CDC25B: variants seen among roughly 807,000 people sequenced by gnomAD.
CDC25B encodes cell division cycle 25B, also known as M-phase inducer phosphatase 2.
A neutral mutation model predicts 69.8 loss-of-function variants in CDC25B; 33 were observed. The ratio of observed to expected loss-of-function variants is 0.47; its 90% CI spans 0.36 to 0.63. The LOEUF is 0.63. Among genes scored for constraint, CDC25B ranks in the 30% least tolerant of loss-of-function variants. The pLI is 0.00. For synonymous variants in CDC25B, 341 were observed against 314.6 expected, an observed-to-expected ratio of 1.08 and a Z score of -0.89; for missense variants, 727 against 809.1, an observed-to-expected ratio of 0.90 and a Z score of 1.23.
At position 3,796,325 on chromosome 20, in the gene CDC25B, T is replaced by A. The variant is rs753515466; in HGVS notation, c.-207T>A. On this transcript the variant is annotated 5_prime_UTR_variant, in exon 1 of 16. Coordinates refer to ENST00000245960, the MANE Select transcript of CDC25B (RefSeq NM_021873.4). Reference sequence around the variant, plus strand: ...AGCTGCAACTAGAGGCTTCCCTGGCTGGTGCCTGAGCCCGGCGTCCCTCGC... The same window carrying A: ...AGCTGCAACTAGAGGCTTCCCTGGCAGGTGCCTGAGCCCGGCGTCCCTCGC... 14 of 1,326,286 alleles carry A rather than the reference T, an allele frequency of 1.1e-5. No individual in the cohort carries two copies. Among genetic ancestry groups the A allele is most frequent in the Non-Finnish European group, 1.2e-5 (13 of 1,042,688 alleles). 82.2% of individuals were successfully genotyped at this position (1,326,286 alleles called of 1,614,324 possible).
Position 3,803,082 on chromosome 20 carries a change from G to T in CDC25B, c.1258-26G>T. The T allele has an allele frequency of 5.0e-6, 8 of 1,607,784 alleles. No individual in the cohort carries two copies. The highest frequency in any genetic ancestry group is 6.8e-6 in the Non-Finnish European group (8 of 1,174,382). ...TGCCAGCTGCCAGCCTGACCTGCCG[G>T]AACCAACCCCCATGACCTCCTACAG... On this transcript the variant is annotated intron_variant, in intron 12 of 15. Transcript: ENST00000245960. This position sits in a 1 kb window ranked among gnomAD's most constrained non-coding sequence, Gnocchi z 4.9.
At position 3,805,746 on chromosome 20, in the gene CDC25B, G is replaced by A. The variant is rs1035323890; in HGVS notation, c.*785G>A. On this transcript the variant is annotated 3_prime_UTR_variant, in exon 16 of 16. Coordinates refer to ENST00000245960, the MANE Select transcript of CDC25B (RefSeq NM_021873.4). Reference sequence around the variant, plus strand: ...CTGGAAGCCCAGCCCCTACTGCTGTGAACCCTGGGGCCTGACTGCTCAGAA... The same window carrying A: ...CTGGAAGCCCAGCCCCTACTGCTGTAAACCCTGGGGCCTGACTGCTCAGAA... The A allele has an allele frequency of 9.9e-6, 4 of 403,984 alleles. No homozygotes were observed. Among genetic ancestry groups the A allele is most frequent in the African/African-American group, 6.1e-5 (3 of 48,794 alleles). 25.0% of individuals were successfully genotyped at this position (403,984 alleles called of 1,614,324 possible). A position where few individuals can be genotyped will look rare whatever the true frequency, so the allele number is the denominator to read the frequency against.
rs1240874444 is a variant in CDC25B, at chr20:3,796,569, C to A, written c.38C>A (p.Ala13Asp). The A allele has an allele frequency of 2.9e-5, 43 of 1,473,290 alleles. No individual in the cohort carries two copies. The highest frequency in any genetic ancestry group is 3.7e-5 in the Non-Finnish European group (41 of 1,118,952). The allele number at this position is 1,473,290 out of a possible 1,614,324, so 91.3% of individuals were successfully genotyped here. Residue 13 changes from alanine (A) to aspartate (D), a missense_variant, in exon 1 of 16, where the codon GCT becomes GAT. By Grantham distance (126) the Ala-to-Asp change is moderately radical (BLOSUM62 -2). Around this residue, in one of 2 missense-constraint regions of CDC25B, gnomAD observed 368 missense variants for 345.6 expected, o/e 1.06. Coordinates refer to ENST00000245960, the MANE Select transcript of CDC25B (RefSeq NM_021873.4). ...CAGCCGGAGCCCGCGCCAGGCTCGG[C>A]TCTCAGTCCAGCAGGCGTGTGCGGT... Reference protein sequence around the residue: ...VPQPEPAPGSALSPAGVCGGA... With the variant: ...VPQPEPAPGSDLSPAGVCGGA...
At chr20:3,795,630 T>G, upstream of CDC25B, 4 of 825,774 alleles carry the variant, frequency 4.8e-6, no homozygotes, top group Non-Finnish European at 5.8e-6. Context: ...ATTGGGCCGG[T>G]TGGGGTAACA....
rs1423877219 is a variant in CDC25B, at chr20:3,796,736, G to A, written c.200+5G>A. ...CGACCTCGCCGGGCTCGGCAGGTAG[G>A]ACACCCCAAGGAGGCTGCATATGGG... On this transcript the variant is annotated splice_donor_5th_base_variant and intron_variant, in intron 1 of 15. Coordinates refer to ENST00000245960, the MANE Select transcript of CDC25B (RefSeq NM_021873.4). The A allele has an allele frequency of 1.3e-6, 2 of 1,562,446 alleles. No individual in the cohort carries two copies. Among genetic ancestry groups the A allele is most frequent in the East Asian group, 2.4e-5 (1 of 41,176 alleles).
rs1266143183 is a variant in CDC25B at position 3,800,862 on chromosome 20, G to A, written c.579G>A (p.Glu193=). 3 of 1,613,792 alleles carry A rather than the reference G, an allele frequency of 1.9e-6. No homozygotes were observed. The African/African-American group carries it at 4.0e-5, about 22-fold the overall frequency. ...GAASSSGEDK[E]NDGFVFKMPW... is the part of the protein sequence containing the mutation. ...CCAGCAGCTCTGGGGAAGACAAGGA[G>A]AATGTGCGCTTCTGGAAGGCCGGGG... Residue 193 remains glutamate (E), a synonymous_variant, in exon 6 of 16, where the codon GAG becomes GAA. Coordinates refer to ENST00000245960, the MANE Select transcript of CDC25B (RefSeq NM_021873.4).
At chr20:3,798,636 C>T (rs957307518) in intron 3 of CDC25B, among the ~76,000 whole-genome samples, 173 bp downstream of exon 3, 1 of 152,118 alleles carries the variant, frequency 6.6e-6, no homozygotes, top group Non-Finnish European at 1.5e-5. Flanking sequence ...GCATTCTGCT[C>T]CCTGTCTCAG....
upstream of CDC25B, among the ~76,000 whole-genome samples, chr20:3,792,799 C>T (rs909099890): frequency 2.6e-5 from 4 of 152,008 alleles, no homozygotes; most frequent in Non-Finnish European, 4.4e-5. Flanking sequence ...GCCACCACAC[C>T]GGGCTAAGTT....
chr20:3,799,530 G>GCA lies in CDC25B; in HGVS notation c.381-757_381-756insAC, dbSNP rs1351009664. Among the ~76,000 whole-genome samples, 614 of 150,094 alleles carry GCA rather than the reference G, an allele frequency of 4.1e-3. 5 individuals are homozygous for GCA. The highest frequency in any genetic ancestry group is 0.013 in the African/African-American group (529 of 40,272). Reference sequence around the variant, plus strand: ...TGTGTGTGTGTGTGTGTGTGTGCGCGCGCGCGCGTAGATGCACAAAAGCTC... The same window carrying GCA: ...TGTGTGTGTGTGTGTGTGTGTGCGCGCACGCGCGCGTAGATGCACAAAAGCTC... On this transcript the variant is annotated intron_variant, in intron 3 of 15. Coordinates refer to ENST00000245960, the MANE Select transcript of CDC25B (RefSeq NM_021873.4).
chr20:3,801,356 G>A lies in CDC25B; in HGVS notation c.808G>A (p.Gly270Arg). 1 of 1,613,886 alleles carries A rather than the reference G, an allele frequency of 6.2e-7. No homozygotes were observed. Residue 270 changes from glycine to arginine, a missense_variant, in exon 8 of 16, where the codon GGA becomes AGA. Physicochemically the swap from Gly to Arg is moderately radical, Grantham distance 125. This residue lies in a region of CDC25B where 359 missense variants were observed against 463.4 expected (regional missense o/e 0.77). Transcript: ENST00000245960. ...PAEGDTEEDD[G>R]FVDILESDLK... ...AGAGGGGGATACTGAGGAAGATGAT[G>A]GATTTGTGGACATCCTAGAGAGTGA...
At position 3,801,952 on chromosome 20, in the gene CDC25B, G is replaced by A. The variant is rs1240598537; in HGVS notation, c.950G>A (p.Arg317Gln). The change falls in exon 10 of 16, where the codon CGG (arginine) becomes CAG (glutamine). Residue 317 changes from arginine (R) to glutamine (Q), a missense_variant. Around this residue, in one of 2 missense-constraint regions of CDC25B, gnomAD observed 359 missense variants for 463.4 expected, o/e 0.77. Coordinates refer to ENST00000245960, the MANE Select transcript of CDC25B (RefSeq NM_021873.4). ...CTCGTCATGTACAGCAAGTGCCAGC[G>A]GCTCTTCCGCTCTCCGTCCATGCCC... is the stretch of plus-strand genomic sequence containing the variant. ...KDLVMYSKCQ[R>Q]LFRSPSMPCS... The A allele has an allele frequency of 3.7e-6, 6 of 1,612,502 alleles. No individual in the cohort carries two copies. Among genetic ancestry groups the A allele is most frequent in the Non-Finnish European group, 4.2e-6 (5 of 1,179,272 alleles).
At position 3,787,037 on chromosome 20, in the gene CDC25B, T is replaced by A. The variant is rs941615935; in HGVS notation, c.-95T>A. ...GAACCAGGGTTTTTGTTTGTTTTTT[T>A]TTTTTTTAATTAAGGTAAAAATAAC... On this transcript the variant is annotated 5_prime_UTR_variant, in exon 1 of 16. Transcript: ENST00000344256. 8.1e-6 allele frequency: 5 copies of A among 615,614 alleles called. No individual in the cohort carries two copies. The African/African-American group carries it at 9.5e-5, about 12-fold the overall frequency. The allele number at this position is 615,614 out of a possible 1,614,324, so 38.1% of individuals were successfully genotyped here. A position where few individuals can be genotyped will look rare whatever the true frequency, so the allele number is the denominator to read the frequency against.
intron 1 of CDC25B, 145 bp downstream of exon 1, chr20:3,796,876 C>A: frequency 9.2e-7 from 1 of 1,083,548 alleles, no homozygotes; most frequent in South Asian, 1.9e-5. Context: ...CGCCCTTGTT[C>A]CCTCCTAGGG....
intron 14 of CDC25B, 33 bp from the exon 15 acceptor site, chr20:3,804,536 C>T (rs201648027): frequency 7.2e-7 from 1 of 1,391,864 alleles, no homozygotes; most frequent in East Asian, 2.3e-5. Context: ...CTGCATGCCC[C>T]ACTCTGACCA....
Position 3,802,945 on chromosome 20 carries a change from A to G in CDC25B, c.1230A>G (p.Gln410=). The change falls in exon 12 of 16, where the codon CAA becomes CAG. Residue 410 remains glutamine (Q), a synonymous_variant. Transcript: ENST00000245960. ...TACAGACAGTAGACGGAAAGCACCA[A>G]GACCTCAAGTACATCTCACCAGAAA... ...FLLQTVDGKH[Q]DLKYISPETM... 1 of 1,614,110 alleles carries G rather than the reference A, an allele frequency of 6.2e-7. No homozygotes were observed. The highest frequency in any genetic ancestry group is 8.5e-7 in the Non-Finnish European group (1 of 1,179,974).
chr20:3,804,367 G>T (rs1370043717), intron 14 of CDC25B, among the ~76,000 whole-genome samples: 1 of 152,152 alleles, frequency 6.6e-6, no homozygotes, highest in African/African-American at 2.4e-5. Context: ...TCATCCCCTT[G>T]ATTTTACCTC....
Position 3,803,728 on chromosome 20 carries a change from C to T in CDC25B, c.1490+191C>T, listed in dbSNP as rs1285773418. Among the ~76,000 whole-genome samples the T allele has an allele frequency of 6.6e-6, 1 of 152,186 alleles. No homozygotes were observed. The highest frequency in any genetic ancestry group is 2.4e-5 in the African/African-American group (1 of 41,442). On this transcript the variant is annotated intron_variant, in intron 14 of 15. Coordinates refer to ENST00000245960, the MANE Select transcript of CDC25B (RefSeq NM_021873.4). The surrounding 1 kb of genome is among the most constrained non-coding windows in gnomAD (Gnocchi z 4.9). ...CCCGCCTCCCATCTCCCTCACTGTC[C>T]TGCCTATCAAGCCTCATGTCCACCC...
rs933165591 is a variant in CDC25B at position 3,803,015 on chromosome 20, A to T, written c.1257+43A>T. 1 of 1,603,500 alleles carries T rather than the reference A, an allele frequency of 6.2e-7. No homozygotes were observed. The highest frequency in any genetic ancestry group is 8.5e-7 in the Non-Finnish European group (1 of 1,170,316). On this transcript the variant is annotated intron_variant, in intron 12 of 15. Coordinates refer to ENST00000245960, the MANE Select transcript of CDC25B (RefSeq NM_021873.4). This position sits in a 1 kb window ranked among gnomAD's most constrained non-coding sequence, Gnocchi z 4.9. The stretch of plus-strand genomic sequence containing the variant: ...ATTTTCTAGGCAGATTTGGGACTGT[A>T]GCTCCATTGTTGACCTTCCCTGGGG...
In CDC25B at chr20:3,801,055, G is replaced by A; in HGVS notation, c.667G>A (p.Ala223Thr). Residue 223 changes from alanine (A) to threonine (T), a missense_variant, in exon 7 of 16, where the codon GCC (alanine) becomes ACC (threonine). Coordinates refer to ENST00000245960, the MANE Select transcript of CDC25B (RefSeq NM_021873.4). ...ALAEWASRRE[A>T]FAQRPSSAPD... ...GGCAGAGTGGGCCAGCCGCAGGGAA[G>A]CCTTTGCCCAGAGACCCAGCTCGGC... 6.2e-7 allele frequency: 1 copy of A among 1,614,062 alleles called. No homozygotes were observed. The highest frequency in any genetic ancestry group is 8.5e-7 in the Non-Finnish European group (1 of 1,179,922).
Sources: gnomAD v4.1 joint callset for allele counts (sites outside exome capture counted in the v4.1 genomes callset) on GRCh38, gnomAD v4.1.1 for gene constraint, gnomAD v4.1.1 regional missense constraint, Gnocchi (gnomAD v3.1) non-coding constraint, MANE v1.5 for transcripts, NCBI Gene and HGNC (gene_info 2026-07-23, HGNC 2026-07-21) for gene names.